HEATR5B: variants seen among roughly 807,000 people sequenced by gnomAD.
HEATR5B encodes HEAT repeat containing 5B.
In HEATR5B, 156 loss-of-function variants were observed where a neutral mutation model predicts 224.1. The observed-to-expected ratio is 0.70, with a 90% CI of 0.61 to 0.80. The LOEUF (loss-of-function observed/expected upper bound fraction) is 0.80, where lower values mean the gene tolerates loss of function less well. HEATR5B is among the 30% of genes least tolerant of loss of function. The pLI, the probability that HEATR5B is intolerant of heterozygous loss-of-function variation, is 0.00. For missense variants in HEATR5B, 2,323 were observed against 2,535.5 expected (o/e 0.92, Z 1.80); for synonymous variants, 1,027 against 893.0 (o/e 1.15, Z -2.68).
chr2:37,068,402 C>T (rs1217123557), intron 8 of HEATR5B, among the ~76,000 whole-genome samples: 1 of 152,168 alleles, frequency 6.6e-6, no homozygotes, highest in Non-Finnish European at 1.5e-5. Context: ...TTGAAGACAG[C>T]AACCAATGTG....
At position 37,009,128 on chromosome 2, in the gene HEATR5B, G is replaced by T. The variant is rs563107746; in HGVS notation, c.4285-280C>A. 4.6e-5 allele frequency among the ~76,000 whole-genome samples: 7 copies of T among 151,362 alleles called. No homozygotes were observed. In the South Asian group the frequency reaches 1.5e-3, roughly 32 times the overall value. On this transcript the variant is annotated intron_variant, in intron 27 of 35. Coordinates refer to ENST00000233099, the MANE Select transcript of HEATR5B (RefSeq NM_019024.3). The stretch of plus-strand genomic sequence containing the variant: ...CAAAAATTAGCCGGGCATGGTGGCA[G>T]GCACCTGTAGTCCTAGCTACTCCAG...
rs559147776 is a variant in HEATR5B at position 37,039,808 on chromosome 2, C to T, written c.3046+521G>A. 7.2e-5 allele frequency among the ~76,000 whole-genome samples: 11 copies of T among 152,308 alleles called. No homozygotes were observed. In the South Asian group the frequency reaches 2.3e-3, roughly 32 times the overall value. On this transcript the variant is annotated intron_variant, in intron 20 of 35. Transcript: ENST00000233099. The stretch of plus-strand genomic sequence containing the variant: ...GTGGTACAAACATAGGCTTTAGGAT[C>T]ATAAATGTGCCACTCATAAGTTGAC...
chr2:37,028,959 T>A (rs1668950839), intron 22 of HEATR5B, 39 bp from the exon 23 acceptor site: 1 of 1,605,970 alleles, frequency 6.2e-7, no homozygotes, highest in Admixed American at 1.7e-5. Context: ...GTATGGTATT[T>A]TGGTGTACGC....
intron 31 of HEATR5B, 112 bp downstream of exon 31, chr2:37,003,430 T>C (rs147120403): frequency 5.3e-6 from 4 of 752,096 alleles, no homozygotes; most frequent in Non-Finnish European, 6.1e-6. Context: ...AATGAGACCC[T>C]GCCTCTAAAA....
At chr2:37,033,579 G>A (rs1461587249) in intron 21 of HEATR5B, among the ~76,000 whole-genome samples, 1 of 152,062 alleles carries the variant, frequency 6.6e-6, no homozygotes, top group African/African-American at 2.4e-5. Context: ...TGCAAAATGG[G>A]GCCTTTTGCC....
chr2:37,053,495 T>A lies in HEATR5B; in HGVS notation c.2505+7A>T. ...ATTTCAGAATAGTATGTATTAAAAG[T>A]AAATACCTTTAGTGCACTAAGAACA... On this transcript the variant is annotated splice_region_variant and intron_variant, in intron 17 of 35. Coordinates refer to ENST00000233099, the MANE Select transcript of HEATR5B (RefSeq NM_019024.3). The A allele has an allele frequency of 6.5e-7, 1 of 1,529,326 alleles. No homozygotes were observed. The highest frequency in any genetic ancestry group is 9.0e-7 in the Non-Finnish European group (1 of 1,116,718). 94.7% of individuals were successfully genotyped at this position (1,529,326 alleles called of 1,614,324 possible).
At chr2:37,038,060 A>G (rs765496573) in intron 20 of HEATR5B, 36 bp from the exon 21 acceptor site, 1 of 1,337,398 alleles carries the variant, frequency 7.5e-7, no homozygotes, top group Non-Finnish European at 1.0e-6. Context: ...AAATATAATT[A>G]TTTTATTAGT....
chr2:37,032,639 GCT>G lies in HEATR5B; in HGVS notation c.3349_3350del (p.Ser1117GlnfsTer2). ...SLAKNTGDKE[S>X]SSANVSPFAP... ...AATAATATAACTTACTGGCACTACT[GCT>G]CTCTTTGTCCCCTGTATTTTTTGCC... On this transcript the variant is annotated frameshift_variant, in exon 22 of 36. Transcript: ENST00000233099. LOFTEE classifies it high-confidence loss of function. The G allele has an allele frequency of 1.2e-6, 2 of 1,612,014 alleles. No individual in the cohort carries two copies. Among genetic ancestry groups the G allele is most frequent in the Non-Finnish European group, 1.7e-6 (2 of 1,179,330 alleles).
At chr2:37,025,209 A>C (rs1176602208) in intron 24 of HEATR5B, among the ~76,000 whole-genome samples, 2 of 152,114 alleles carry the variant, frequency 1.3e-5, no homozygotes, top group African/African-American at 4.8e-5. Context: ...AATATGTCAG[A>C]CACTGGAATC....
At chr2:37,067,886 T>C (rs995486634) in intron 8 of HEATR5B, among the ~76,000 whole-genome samples, 4 of 152,180 alleles carry the variant, frequency 2.6e-5, no homozygotes, top group Admixed American at 2.6e-4. Flanking sequence ...ATTTCATACA[T>C]ATATCTCTAA....
intron 25 of HEATR5B, 132 bp downstream of exon 25, chr2:37,020,523 G>A: frequency 1.8e-6 from 1 of 546,512 alleles, no homozygotes. Context: ...AACAGACAAT[G>A]GAGATAAAGA....
At chr2:37,029,935 A>AT (rs1165347646) in intron 22 of HEATR5B, among the ~76,000 whole-genome samples, 6 of 136,536 alleles carry the variant, frequency 4.4e-5, no homozygotes, top group African/African-American at 1.7e-4. Context: ...CTCTATCTCA[A>AT]AAAATAAATA....
chr2:37,048,186 T>A (rs144148317), intron 18 of HEATR5B, among the ~76,000 whole-genome samples: 13 of 151,426 alleles, frequency 8.6e-5, no homozygotes, highest in African/African-American at 3.2e-4. Flanking sequence ...TGAGGACACA[T>A]TGTTTTTTTT....
chr2:37,015,690 C>T (rs1036983077), intron 26 of HEATR5B, among the ~76,000 whole-genome samples: 5 of 152,132 alleles, frequency 3.3e-5, no homozygotes, highest in Admixed American at 1.3e-4. Context: ...AGAAGTGAGA[C>T]AGCGTGATTT....
At chr2:37,000,488 T>G (rs977206094) in intron 33 of HEATR5B, 98 bp downstream of exon 33, 2 of 865,860 alleles carry the variant, frequency 2.3e-6, no homozygotes, top group African/African-American at 3.3e-5. Context: ...AGATGATTCA[T>G]TGTTATACAG....
At chr2:36,994,400 T>C (rs188741583) in intron 33 of HEATR5B, among the ~76,000 whole-genome samples, 1 of 152,330 alleles carries the variant, frequency 6.6e-6, no homozygotes, top group East Asian at 1.9e-4. Flanking sequence ...ATACATATCC[T>C]TTTTAAAGTG....
intron 2 of HEATR5B, among the ~76,000 whole-genome samples, chr2:37,079,618 C>G (rs1672432594): frequency 6.6e-6 from 1 of 152,096 alleles, no homozygotes; most frequent in Non-Finnish European, 1.5e-5. Context: ...AAGAAATAAA[C>G]CAACAGCCAA....
intron 16 of HEATR5B, among the ~76,000 whole-genome samples, chr2:37,054,418 T>TG (rs1485166740): frequency 6.7e-6 from 1 of 150,156 alleles, no homozygotes; most frequent in African/African-American, 2.5e-5. Flanking sequence ...CGACCTCAGG[T>TG]GATCTGCCCA....
At chr2:36,984,568 G>C (rs1402434393) in intron 35 of HEATR5B, among the ~76,000 whole-genome samples, 1 of 151,840 alleles carries the variant, frequency 6.6e-6, no homozygotes, top group Non-Finnish European at 1.5e-5. Context: ...ATCTAATGTA[G>C]GTTTAATAGA....
Sources: gnomAD v4.1 joint callset for allele counts (sites outside exome capture counted in the v4.1 genomes callset) on GRCh38, gnomAD v4.1.1 for gene constraint, MANE v1.5 for transcripts, NCBI Gene and HGNC (gene_info 2026-07-23, HGNC 2026-07-21) for gene names.